Variants in B4GALT7 observed in about 807,000 individuals in gnomAD.
B4GALT7 encodes beta-1,4-galactosyltransferase 7.
B4GALT7 carries 30 observed loss-of-function variants against 33.0 expected under a neutral mutation model. The ratio of observed to expected loss-of-function variants is 0.91; its 90% confidence interval spans 0.68 to 1.23. The LOEUF is 1.23. B4GALT7 is among the 50% of genes most tolerant of loss of function. B4GALT7 has a pLI of 0.00. For missense variants in B4GALT7, 507 were observed against 450.8 expected (o/e 1.12, Z -1.13); for synonymous variants, 213 against 187.2 (o/e 1.14, Z -1.13).
At position 177,609,811 on chromosome 5, in the gene B4GALT7, G is replaced by C; in HGVS notation, c.*116G>C. 1 of 1,397,416 alleles carries C rather than the reference G, an allele frequency of 7.2e-7. No homozygotes were observed. The highest frequency in any genetic ancestry group is 9.8e-7 in the Non-Finnish European group (1 of 1,020,630). 86.6% of individuals were successfully genotyped at this position (1,397,416 alleles called of 1,614,324 possible). A position where few individuals can be genotyped will look rare whatever the true frequency, so the allele number is the denominator to read the frequency against. The stretch of plus-strand genomic sequence containing the variant: ...ATGTGGAGTGGCCAGGACCAAGACA[G>C]CAAGCTACGCAATTGCAGCCACCCG... On this transcript the variant is annotated 3_prime_UTR_variant, in exon 6 of 6. Coordinates refer to ENST00000029410, the MANE Select transcript of B4GALT7 (RefSeq NM_007255.3).
Position 177,608,931 on chromosome 5 carries a change from A to C in B4GALT7, c.745A>C (p.Thr249Pro). ...GLQLFRPSGI[T>P]TGYKTFRHLH... ...CTAGCTTTTCCGCCCCTCGGGAATC[A>C]CAACTGGGTACAAGACATTTCGCCA... Residue 249 changes from threonine (T) to proline (P), a missense_variant, in exon 5 of 6, where the codon ACA (threonine) becomes CCA (proline). Coordinates refer to ENST00000029410, the MANE Select transcript of B4GALT7 (RefSeq NM_007255.3). The surrounding 1 kb of genome is among the most constrained non-coding windows in gnomAD (Gnocchi z 4.1). 6.2e-7 allele frequency: 1 copy of C among 1,613,772 alleles called. No homozygotes were observed. Among genetic ancestry groups the C allele is most frequent in the Non-Finnish European group, 8.5e-7 (1 of 1,179,986 alleles).
chr5:177,605,026 C>T (rs762424258), intron 2 of B4GALT7: 3 of 455,920 alleles, frequency 6.6e-6, no homozygotes, highest in Admixed American at 2.4e-5. Context: ...CCACCAGCCC[C>T]CACCTCCTTT....
chr5:177,606,213 C>T lies in B4GALT7; in HGVS notation c.414-1089C>T, dbSNP rs908614349. 2.6e-5 allele frequency: 4 copies of T among 152,144 alleles called. No homozygotes were observed. The highest frequency in any genetic ancestry group is 9.7e-5 in the African/African-American group (4 of 41,414). 9.4% of individuals were successfully genotyped at this position (152,144 alleles called of 1,614,324 possible). On this transcript the variant is annotated intron_variant, in intron 2 of 5. Transcript: ENST00000029410. This position sits in a 1 kb window ranked among gnomAD's most constrained non-coding sequence, Gnocchi z 4.2. ...ATTCCTGAGGCTGTTTCCTGGAGTT[C>T]TCTCCTAAACTCCAGGCTCAACAGC... is the stretch of plus-strand genomic sequence containing the variant.
In B4GALT7 at chr5:177,607,377, C is replaced by T. The variant is rs372857848; in HGVS notation, c.489C>T (p.Asp163=). The part of the protein sequence containing the change: ...SNSTDYIAMH[D]VDLLPLNEEL... Reference sequence around the variant, plus strand: ...GCACGGACTACATTGCCATGCACGACGTTGACCTGCTCCCTCTCAACGAGG... The same window carrying T: ...GCACGGACTACATTGCCATGCACGATGTTGACCTGCTCCCTCTCAACGAGG... Residue 163 remains aspartate, a synonymous_variant, in exon 3 of 6, where the codon GAC becomes GAT. Coordinates refer to ENST00000029410, the MANE Select transcript of B4GALT7 (RefSeq NM_007255.3). The T allele has an allele frequency of 2.7e-5, 43 of 1,614,116 alleles. No individual in the cohort carries two copies. The African/African-American group carries it at 2.9e-4, about 11-fold the overall frequency.
In B4GALT7 at chr5:177,608,279, T is replaced by TC. The variant is rs774261372; in HGVS notation, c.640-256dup. On this transcript the variant is annotated intron_variant, in intron 3 of 5. Transcript: ENST00000029410. This position sits in a 1 kb window ranked among gnomAD's most constrained non-coding sequence, Gnocchi z 4.1. ...GCTGGCGCTTCTGCCCATCGACAGT[T>TC]CCCCACAGAGATCCCCTCTGGGCAG... The TC allele has an allele frequency of 1.5e-4, 81 of 533,192 alleles. No individual in the cohort carries two copies. The highest frequency in any genetic ancestry group is 2.6e-4 in the Non-Finnish European group (76 of 295,544). 33.0% of individuals were successfully genotyped at this position (533,192 alleles called of 1,614,324 possible).
rs778409854 is a variant in B4GALT7, at chr5:177,604,403, C to A, written c.275C>A (p.Pro92His). The change falls in exon 2 of 6, where the codon CCC becomes CAC. Residue 92 changes from proline (P) to histidine (H), a missense_variant. Physicochemically the swap from Pro to His is moderately conservative, Grantham distance 77 (BLOSUM62 -2). Coordinates refer to ENST00000029410, the MANE Select transcript of B4GALT7 (RefSeq NM_007255.3). ...TGGGAAGAAGACGCATCCTGGGGCC[C>A]CCACCGCCTGGCAGTGCTGGTGCCC... The part of the protein sequence containing the change: ...EHWEEDASWG[P>H]HRLAVLVPFR... 3 of 1,613,802 alleles carry A rather than the reference C, an allele frequency of 1.9e-6. No homozygotes were observed. Among genetic ancestry groups the A allele is most frequent in the Non-Finnish European group, 2.5e-6 (3 of 1,179,844 alleles).
chr5:177,603,567 C>T (rs111241729), intron 1 of B4GALT7, among the ~76,000 whole-genome samples: 7,092 of 152,186 alleles, frequency 0.047, 201 homozygotes, highest in African/African-American at 0.081. Flanking sequence ...TTCAGTGAAC[C>T]GCCACTGACA....
Position 177,604,515 on chromosome 5 carries a change from C to T in B4GALT7, c.387C>T (p.Tyr129=), listed in dbSNP as rs200124872. 586 of 1,613,884 alleles carry T rather than the reference C, an allele frequency of 3.6e-4. 1 individual carries two copies. The highest frequency in any genetic ancestry group is 1.3e-3 in the Middle Eastern group (8 of 6,062). Residue 129 remains tyrosine, a synonymous_variant, in exon 2 of 6, where the codon TAC becomes TAT. Transcript: ENST00000029410. ...LSRKKIRHHI[Y]VLNQVDHFRF... ...GGAAGAAGATCCGGCACCACATCTA[C>T]GTGCTCAACCAGGTGGACCACTTCA...
chr5:177,605,129 C>A, intron 2 of B4GALT7: 1 of 408,018 alleles, frequency 2.5e-6, no homozygotes, highest in Non-Finnish European at 4.9e-6. Flanking sequence ...GATCCCCAGA[C>A]CCCCCCCTTT....
intron 1 of B4GALT7, chr5:177,603,257 T>C (rs1219316912): frequency 2.6e-5 from 26 of 985,254 alleles, no homozygotes; most frequent in Non-Finnish European, 3.1e-5. Flanking sequence ...TGCAGATTAC[T>C]TTGGGGAGAA....
rs1441312086 is a variant in B4GALT7 at position 177,608,378 on chromosome 5, CGCT to C, written c.640-157_640-155del. 20 of 641,278 alleles carry C rather than the reference CGCT, an allele frequency of 3.1e-5. No homozygotes were observed. In the Admixed American group the frequency reaches 4.7e-4, roughly 15 times the overall value. The allele number at this position is 641,278 out of a possible 1,614,324, so 39.7% of individuals were successfully genotyped here. A position where few individuals can be genotyped will look rare whatever the true frequency, so the allele number is the denominator to read the frequency against. ...TGAGAACGGGAGAGGGCCCGGGACG[CGCT>C]GCTTCCTGCCGCCCGCACTGCAGAA... On this transcript the variant is annotated intron_variant, in intron 3 of 5. Coordinates refer to ENST00000029410, the MANE Select transcript of B4GALT7 (RefSeq NM_007255.3). The surrounding 1 kb of genome is among the most constrained non-coding windows in gnomAD (Gnocchi z 4.1).
chr5:177,608,484 A>G lies in B4GALT7; in HGVS notation c.640-55A>G. On this transcript the variant is annotated intron_variant, in intron 3 of 5. Coordinates refer to ENST00000029410, the MANE Select transcript of B4GALT7 (RefSeq NM_007255.3). The surrounding 1 kb of genome is among the most constrained non-coding windows in gnomAD (Gnocchi z 4.1). Reference sequence around the variant, plus strand: ...GGCACTCCCGAGCGGTAGGAGACCAAAGGCCCCCCCCCCCGGGAAGATGGG... The same window carrying G: ...GGCACTCCCGAGCGGTAGGAGACCAGAGGCCCCCCCCCCCGGGAAGATGGG... The G allele has an allele frequency of 3.3e-6, 5 of 1,507,114 alleles. No individual in the cohort carries two copies. The highest frequency in any genetic ancestry group is 1.1e-5 in the South Asian group (1 of 88,724). The allele number at this position is 1,507,114 out of a possible 1,614,324, so 93.4% of individuals were successfully genotyped here.
At position 177,607,431 on chromosome 5, in the gene B4GALT7, G is replaced by C; in HGVS notation, c.543G>C (p.Gly181=). ...EELDYGFPEA[G]PFHVASPELH... The stretch of plus-strand genomic sequence containing the variant: ...TGGACTATGGCTTTCCTGAGGCTGG[G>C]CCCTTCCACGTGGCCTCCCCGGAGC... The change falls in exon 3 of 6, where the codon GGG becomes GGC. Residue 181 remains glycine (G), a synonymous_variant. Transcript: ENST00000029410. 6.2e-7 allele frequency: 1 copy of C among 1,614,018 alleles called. No individual in the cohort carries two copies.
intron 1 of B4GALT7, among the ~76,000 whole-genome samples, chr5:177,603,547 T>C (rs867085375): frequency 2.6e-5 from 4 of 152,208 alleles, no homozygotes; most frequent in African/African-American, 2.4e-5. Context: ...GACTAAAGGT[T>C]TGAGGCTCGT....
At chr5:177,603,097 G>C in intron 1 of B4GALT7, 1 of 533,648 alleles carries the variant, frequency 1.9e-6, no homozygotes, top group South Asian at 8.2e-5. Flanking sequence ...TTGCCAGGCT[G>C]GTCTTGAGCT....
At chr5:177,603,252 A>C (rs1272843969) in intron 1 of B4GALT7, 1 of 985,160 alleles carries the variant, frequency 1.0e-6, no homozygotes, top group Non-Finnish European at 1.2e-6. Flanking sequence ...TCCTTTGCAG[A>C]TTACTTTGGG....
Position 177,609,879 on chromosome 5 carries a change from C to A in B4GALT7, c.*184C>A. On this transcript the variant is annotated 3_prime_UTR_variant, in exon 6 of 6. Coordinates refer to ENST00000029410, the MANE Select transcript of B4GALT7 (RefSeq NM_007255.3). ...GGGCTGGGCCAGGACACGTGGGGTG[C>A]CTGGGACGCTGCTTGCCATGCACAG... The A allele has an allele frequency of 1.4e-6, 1 of 716,876 alleles. No homozygotes were observed. The highest frequency in any genetic ancestry group is 1.7e-5 in the South Asian group (1 of 57,586). The allele number at this position is 716,876 out of a possible 1,614,324, so 44.4% of individuals were successfully genotyped here. A position where few individuals can be genotyped will look rare whatever the true frequency, so the allele number is the denominator to read the frequency against.
chr5:177,607,915 G>A (rs1228941404), intron 3 of B4GALT7: 3 of 307,826 alleles, frequency 9.7e-6, no homozygotes, highest in East Asian at 8.5e-5. Context: ...TCTAGGCCCC[G>A]GGCTGGTGGG....
At chr5:177,605,414 T>C (rs1471542052) in intron 2 of B4GALT7, among the ~76,000 whole-genome samples, 1 of 152,256 alleles carries the variant, frequency 6.6e-6, no homozygotes, top group Non-Finnish European at 1.5e-5. Context: ...AGCCTCACTT[T>C]CCTCTGGTCT....
Sources: gnomAD v4.1 joint callset for allele counts (sites outside exome capture counted in the v4.1 genomes callset) on GRCh38, gnomAD v4.1.1 for gene constraint, Gnocchi (gnomAD v3.1) non-coding constraint, MANE v1.5 for transcripts, NCBI Gene and HGNC (gene_info 2026-07-23, HGNC 2026-07-21) for gene names.